FAH: variants seen among roughly 807,000 people sequenced by gnomAD.
FAH encodes fumarylacetoacetase.
Under a neutral mutation model 55.8 loss-of-function variants are expected in FAH, and 47 were observed. The observed-to-expected ratio is 0.84, with a 90% CI of 0.67 to 1.07. FAH has a LOEUF of 1.07. Ranked by LOEUF, FAH falls within the 50% of genes least tolerant of loss-of-function variation. FAH has a pLI of 0.00. For missense variants in FAH, 495 were observed against 545.9 expected (o/e 0.91, Z 0.93); for synonymous variants, 199 against 207.7 (o/e 0.96, Z 0.36).
chr15:80,153,183 G>C, intron 1 of FAH, 48 bp downstream of exon 1: 1 of 1,024,868 alleles, frequency 9.8e-7, no homozygotes, highest in East Asian at 3.9e-5. Context: ...GAGTGGAGTG[G>C]AGTGGAGTGG....
At chr15:80,184,278 A>G (rs1419843544) in intron 13 of FAH, among the ~76,000 whole-genome samples, 1 of 151,834 alleles carries the variant, frequency 6.6e-6, no homozygotes, top group Non-Finnish European at 1.5e-5. Context: ...TTTGGAAACA[A>G]TATCTGAGCA....
rs1431123793 is a variant in FAH, at chr15:80,159,673, G to A, written c.193-83G>A. ...GGGAGAGAAGTGGCAAGGGCTGGCA[G>A]GCTGGCTGGCCTTCCATTGGAAGGA... is the stretch of plus-strand genomic sequence containing the variant. On this transcript the variant is annotated intron_variant, in intron 2 of 13. Coordinates refer to ENST00000561421, the MANE Select transcript of FAH (RefSeq NM_000137.4). The A allele has an allele frequency of 4.5e-6, 7 of 1,555,250 alleles. No homozygotes were observed. In the African/African-American group the frequency reaches 6.8e-5, roughly 15 times the overall value.
intron 3 of FAH, 61 bp from the exon 4 acceptor site, chr15:80,160,349 C>G: frequency 6.5e-7 from 1 of 1,541,636 alleles, no homozygotes; most frequent in Non-Finnish European, 9.0e-7. Flanking sequence ...GGGCTGAGCC[C>G]GTGGGTGGGA....
intron 13 of FAH, among the ~76,000 whole-genome samples, chr15:80,185,685 A>G (rs1377562703): frequency 6.6e-6 from 1 of 152,210 alleles, no homozygotes; most frequent in Non-Finnish European, 1.5e-5. Flanking sequence ...AAGTGAAAGG[A>G]GAAACCGCTT....
At position 80,172,183 on chromosome 15, in the gene FAH, A is replaced by G; in HGVS notation, c.641A>G (p.Glu214Gly). Residue 214 changes from glutamate (E) to glycine (G), a missense_variant, in exon 8 of 14, where the codon GAG becomes GGG. Physicochemically the swap from Glu to Gly is moderately conservative, Grantham distance 98. Transcript: ENST00000561421. The part of the protein sequence containing the change: ...FFVGPGNRLG[E>G]PIPISKAHEH... ...GTAGGCCCTGGAAACAGATTGGGAG[A>G]GCCGATCCCCATTTCCAAGGCCCAT... 2 of 1,613,998 alleles carry G rather than the reference A, an allele frequency of 1.2e-6. No homozygotes were observed. The highest frequency in any genetic ancestry group is 1.7e-6 in the Non-Finnish European group (2 of 1,179,982).
intron 13 of FAH, among the ~76,000 whole-genome samples, chr15:80,185,378 A>G (rs1472292016): frequency 1.3e-5 from 2 of 152,248 alleles, no homozygotes; most frequent in Non-Finnish European, 2.9e-5. Flanking sequence ...ACTGAGGTCT[A>G]GAGGGACCCA....
intron 3 of FAH, 108 bp downstream of exon 3, chr15:80,159,985 C>A: frequency 7.2e-7 from 1 of 1,389,314 alleles, no homozygotes; most frequent in South Asian, 1.3e-5. Flanking sequence ...CTTAGTGTGG[C>A]CAAGTCAGAC....
intron 7 of FAH, among the ~76,000 whole-genome samples, chr15:80,170,099 T>G (rs1194175219): frequency 6.6e-6 from 1 of 151,846 alleles, no homozygotes; most frequent in Non-Finnish European, 1.5e-5. Context: ...ACCAGGGAAG[T>G]GATGGAAAGG....
chr15:80,164,443 T>C (rs1483406477), intron 5 of FAH, among the ~76,000 whole-genome samples: 1 of 152,180 alleles, frequency 6.6e-6, no homozygotes, highest in Admixed American at 6.5e-5. Flanking sequence ...TAATCACACC[T>C]GCAAAACTCT....
At chr15:80,160,491 G>C in intron 4 of FAH, 32 bp downstream of exon 4, 1 of 1,610,496 alleles carries the variant, frequency 6.2e-7, no homozygotes, top group Non-Finnish European at 8.5e-7. Flanking sequence ...AGATAAGAAC[G>C]GAGCAGCTTC....
At chr15:80,160,633 G>C (rs1201773767) in intron 4 of FAH, 174 bp downstream of exon 4, 11 of 711,884 alleles carry the variant, frequency 1.5e-5, no homozygotes, top group Non-Finnish European at 2.5e-5. Context: ...CAGCATCCAG[G>C]CCCGGCATTC....
At chr15:80,162,175 T>A (rs1595891205) in intron 4 of FAH, 71 bp from the exon 5 acceptor site, 7 of 1,199,226 alleles carry the variant, frequency 5.8e-6, no homozygotes, top group Non-Finnish European at 8.7e-6. Context: ...GTGGCTCCAG[T>A]GCTTGGAACA....
At chr15:80,176,429 C>T (rs774553312) in intron 10 of FAH, among the ~76,000 whole-genome samples, 9 of 152,162 alleles carry the variant, frequency 5.9e-5, no homozygotes, top group Non-Finnish European at 8.8e-5. Flanking sequence ...TGTCAGGAGG[C>T]GCAGTACACT....
intron 5 of FAH, among the ~76,000 whole-genome samples, chr15:80,164,078 C>T (rs2041171653): frequency 6.6e-6 from 1 of 152,196 alleles, no homozygotes; most frequent in Non-Finnish European, 1.5e-5. Context: ...TTTTCTGTTG[C>T]TGCTGTAACA....
At chr15:80,173,287 G>T in intron 9 of FAH, 143 bp downstream of exon 9, 1 of 1,108,424 alleles carries the variant, frequency 9.0e-7, no homozygotes, top group Admixed American at 1.8e-5. Flanking sequence ...GAGTGCCTGG[G>T]AGTTCCTGGC....
rs1220960575 is a variant in FAH at position 80,153,076 on chromosome 15, G to A, written c.22G>A (p.Glu8Lys). 6.2e-7 allele frequency: 1 copy of A among 1,613,842 alleles called. No homozygotes were observed. Among genetic ancestry groups the A allele is most frequent in the African/African-American group, 1.3e-5 (1 of 75,050 alleles). The stretch of plus-strand genomic sequence containing the variant: ...CAGCATGTCCTTCATCCCGGTGGCC[G>A]AGGATTCCGACTTCCCCATCCACAA... MSFIPVA[E>K]DSDFPIHNLP... The change falls in exon 1 of 14, where the codon GAG (glutamate) becomes AAG (lysine). Residue 8 changes from glutamate to lysine, a missense_variant. Transcript: ENST00000561421.
chr15:80,182,160 C>G (rs747959917), intron 13 of FAH, among the ~76,000 whole-genome samples: 7 of 152,168 alleles, frequency 4.6e-5, no homozygotes, highest in Admixed American at 6.5e-5. Flanking sequence ...TCTGCCTCCA[C>G]GGTCACATTG....
intron 1 of FAH, chr15:80,156,799 C>CA (rs2041104040): frequency 6.6e-6 from 1 of 152,216 alleles, no homozygotes; most frequent in Non-Finnish European, 1.5e-5. Flanking sequence ...CTCACTCTCT[C>CA]AGACTTTTTC....
intron 10 of FAH, 27 bp downstream of exon 10, chr15:80,175,118 C>T: frequency 6.2e-7 from 1 of 1,603,978 alleles, no homozygotes; most frequent in South Asian, 1.1e-5. Flanking sequence ...CTGACATGGC[C>T]AGGAGCTCTG....
Sources: gnomAD v4.1 joint callset for allele counts (sites outside exome capture counted in the v4.1 genomes callset) on GRCh38, gnomAD v4.1.1 for gene constraint, MANE v1.5 for transcripts, NCBI Gene and HGNC (gene_info 2026-07-23, HGNC 2026-07-21) for gene names.